The following PPP1R10 variants were observed in gnomAD, a reference collection of about 807,000 sequenced individuals.
The protein encoded by PPP1R10 is serine/threonine-protein phosphatase 1 regulatory subunit 10.
A neutral mutation model predicts 99.0 loss-of-function variants in PPP1R10; 15 were observed. The observed-to-expected ratio is 0.15, with a 90% CI of 0.10 to 0.23. The LOEUF (loss-of-function observed/expected upper bound fraction) is 0.23. Ranked by LOEUF, PPP1R10 falls within the 10% of genes least tolerant of loss-of-function variation. PPP1R10 has a pLI of 1.00. For synonymous variants in PPP1R10, 430 were observed against 449.5 expected, an observed-to-expected ratio of 0.96 and a Z score of 0.55; for missense variants, 947 against 1,259.4, an observed-to-expected ratio of 0.75 and a Z score of 3.75.
Position 30,602,978 on chromosome 6 carries a change from G to A in PPP1R10, c.1844-19C>T. On this transcript the variant is annotated intron_variant, in intron 17 of 19. Transcript: ENST00000376511. The surrounding 1 kb of genome is among the most constrained non-coding windows in gnomAD (Gnocchi z 6.7). The stretch of plus-strand genomic sequence containing the variant: ...TGTGGCACTGTTAATGAAAACAAGA[G>A]TAACACAGCATGAGCACTCTAGAAG... The A allele has an allele frequency of 6.6e-7, 1 of 1,526,038 alleles. No individual in the cohort carries two copies. Among genetic ancestry groups the A allele is most frequent in the Non-Finnish European group, 8.8e-7 (1 of 1,131,980 alleles). The allele number at this position is 1,526,038 out of a possible 1,614,324, so 94.5% of individuals were successfully genotyped here.
chr6:30,617,057 C>G (rs1760674338), intron 1 of PPP1R10, 59 bp from the exon 2 acceptor site: 1 of 152,454 alleles, frequency 6.6e-6, no homozygotes, highest in African/African-American at 2.4e-5. Context: ...CTTCAAAACA[C>G]TCACAAATGC....
intron 2 of PPP1R10, among the ~76,000 whole-genome samples, chr6:30,614,901 T>A (rs1353290561): frequency 6.6e-6 from 1 of 152,242 alleles, no homozygotes; most frequent in Non-Finnish European, 1.5e-5. Flanking sequence ...TATAAGCTCC[T>A]ATCCCTTTAA....
At position 30,607,947 on chromosome 6, in the gene PPP1R10, T is replaced by TAGAGCTAA. The variant is rs1176637687; in HGVS notation, c.331-64_331-57dup. 7.7e-6 allele frequency: 12 copies of TAGAGCTAA among 1,566,940 alleles called. No individual in the cohort carries two copies. The African/African-American group carries it at 8.2e-5, about 11-fold the overall frequency. ...ATGCCAGGAGGCAAATAATTCCACT[T>TAGAGCTAA]AGAGCTAAAAACGACAAAAGTTACA... On this transcript the variant is annotated intron_variant, in intron 5 of 19. Transcript: ENST00000376511.
rs560942574 is a variant in PPP1R10 at position 30,601,257 on chromosome 6, G to A, written c.*292C>T. On this transcript the variant is annotated 3_prime_UTR_variant, in exon 20 of 20. Coordinates refer to ENST00000376511, the MANE Select transcript of PPP1R10 (RefSeq NM_002714.4). ...AAGCATTAAGGGTAATACTGGAAAG[G>A]GGTTTGGGGTACAGGGCGAATCTTC... The A allele has an allele frequency of 3.8e-5, 17 of 447,942 alleles. No homozygotes were observed. The highest frequency in any genetic ancestry group is 1.5e-4 in the Admixed American group (4 of 26,128). The allele number at this position is 447,942 out of a possible 1,614,324, so 27.7% of individuals were successfully genotyped here.
chr6:30,608,015 G>A (rs1399785536), intron 5 of PPP1R10, 124 bp from the exon 6 acceptor site: 1 of 974,870 alleles, frequency 1.0e-6, no homozygotes, highest in Non-Finnish European at 1.5e-6. Context: ...TTGAGACGGA[G>A]TCTCACTCTG....
chr6:30,606,663 GA>G lies in PPP1R10; in HGVS notation c.461-23del, dbSNP rs1292692877. The G allele has an allele frequency of 1.2e-6, 2 of 1,613,858 alleles. No individual in the cohort carries two copies. The highest frequency in any genetic ancestry group is 1.7e-6 in the Non-Finnish European group (2 of 1,179,926). On this transcript the variant is annotated intron_variant, in intron 7 of 19. Transcript: ENST00000376511. This position sits in a 1 kb window ranked among gnomAD's most constrained non-coding sequence, Gnocchi z 6.3. Reference sequence around the variant, plus strand: ...TTCTCTGTTGTGAAAAAACAAAGCAGAAAAGGATTTTATTTAGATGAACACT... The same window carrying G: ...TTCTCTGTTGTGAAAAAACAAAGCAGAAAGGATTTTATTTAGATGAACACT...
At position 30,609,093 on chromosome 6, in the gene PPP1R10, G is replaced by A. The variant is rs1804276728; in HGVS notation, c.178C>T (p.Pro60Ser). The A allele has an allele frequency of 6.2e-7, 1 of 1,613,930 alleles. No individual in the cohort carries two copies. Among genetic ancestry groups the A allele is most frequent in the Non-Finnish European group, 8.5e-7 (1 of 1,180,026 alleles). The change falls in exon 4 of 20, where the codon CCA (proline) becomes TCA (serine). Residue 60 changes from proline to serine, a missense_variant. Transcript: ENST00000376511. The surrounding 1 kb of genome is among the most constrained non-coding windows in gnomAD (Gnocchi z 4.5). The part of the protein sequence containing the change: ...YLNILLQTRS[P>S]EILVKFIDVG... ...CCCACTTACTTGACCAATATTTCTGGTGAACGGGTCTGCAGGAGAATGTTC... is the reference window on the plus strand; with the variant it reads ...CCCACTTACTTGACCAATATTTCTGATGAACGGGTCTGCAGGAGAATGTTC...
chr6:30,614,787 G>A lies in PPP1R10; in HGVS notation c.-12+1691C>T, dbSNP rs1017487240. ...TTTCACCCCTGGCAGCTGAAGTGGG[G>A]AAAAATTACAAGCAGTTGTGATGAG... On this transcript the variant is annotated intron_variant, in intron 2 of 19. Coordinates refer to ENST00000376511, the MANE Select transcript of PPP1R10 (RefSeq NM_002714.4). 5.3e-5 allele frequency among the ~76,000 whole-genome samples: 8 copies of A among 152,164 alleles called. No homozygotes were observed. The East Asian group carries it at 1.2e-3, about 22-fold the overall frequency.
intron 17 of PPP1R10, 53 bp from the exon 18 acceptor site, chr6:30,603,012 G>C: frequency 6.8e-7 from 1 of 1,462,702 alleles, no homozygotes; most frequent in South Asian, 1.3e-5. Context: ...AGACTAGCAT[G>C]ATCTCCCATT....
chr6:30,613,474 A>C (rs1405411775), intron 2 of PPP1R10, among the ~76,000 whole-genome samples: 1 of 152,192 alleles, frequency 6.6e-6, no homozygotes, highest in Non-Finnish European at 1.5e-5. Context: ...ACAATAGTGG[A>C]CTGAATTATG....
At chr6:30,607,982 G>GC (rs2127444153) in intron 5 of PPP1R10, 91 bp from the exon 6 acceptor site, 1 of 1,150,346 alleles carries the variant, frequency 8.7e-7, no homozygotes, top group Admixed American at 2.4e-5. Flanking sequence ...AGTCCTCCCT[G>GC]CTTTTTTTTT....
Position 30,616,869 on chromosome 6 carries a change from G to C in PPP1R10, c.-403C>G, listed in dbSNP as rs1003519353. On this transcript the variant is annotated 5_prime_UTR_variant, in exon 2 of 20. Coordinates refer to ENST00000376511, the MANE Select transcript of PPP1R10 (RefSeq NM_002714.4). Reference sequence around the variant, plus strand: ...AGGTGGGAAGGGGCAGAAGACACAAGTGGTTGGGCTGGTGGCTGCTGTTTT... The same window carrying C: ...AGGTGGGAAGGGGCAGAAGACACAACTGGTTGGGCTGGTGGCTGCTGTTTT... 1 of 152,334 alleles carries C rather than the reference G, an allele frequency of 6.6e-6. No homozygotes were observed. The highest frequency in any genetic ancestry group is 2.4e-5 in the African/African-American group (1 of 41,442). The allele number at this position is 152,334 out of a possible 1,614,324, so 9.4% of individuals were successfully genotyped here. A position where few individuals can be genotyped will look rare whatever the true frequency, so the allele number is the denominator to read the frequency against.
chr6:30,615,825 T>C (rs1760444961), intron 2 of PPP1R10, among the ~76,000 whole-genome samples: 1 of 152,212 alleles, frequency 6.6e-6, no homozygotes, highest in East Asian at 1.9e-4. Context: ...ACTAAGATTA[T>C]ATTTTGTCCT....
chr6:30,606,129 G>A lies in PPP1R10; in HGVS notation c.740+9C>T, dbSNP rs1276109915. ...CACCCCATTCAGAGCCTGAGAATAT[G>A]GTCCATACCTCTGACGTTTGAGGGG... On this transcript the variant is annotated intron_variant, in intron 9 of 19. Transcript: ENST00000376511. This position sits in a 1 kb window ranked among gnomAD's most constrained non-coding sequence, Gnocchi z 6.3. The A allele has an allele frequency of 1.2e-6, 2 of 1,613,610 alleles. No homozygotes were observed. Among genetic ancestry groups the A allele is most frequent in the East Asian group, 2.2e-5 (1 of 44,870 alleles).
chr6:30,603,688 T>C, intron 15 of PPP1R10, 22 bp from the exon 16 acceptor site: 3 of 1,567,216 alleles, frequency 1.9e-6, no homozygotes, highest in Non-Finnish European at 2.6e-6. Flanking sequence ...ACAAAAAAAA[T>C]CAGGATTGAC....
chr6:30,611,873 C>T (rs1482159654), intron 2 of PPP1R10, among the ~76,000 whole-genome samples: 3 of 152,192 alleles, frequency 2.0e-5, no homozygotes, highest in East Asian at 1.9e-4. Flanking sequence ...ATTAGATGTC[C>T]GTGGGCCAAA....
Position 30,601,503 on chromosome 6 carries a change from G to T in PPP1R10, c.*46C>A. 1 of 1,508,148 alleles carries T rather than the reference G, an allele frequency of 6.6e-7. No homozygotes were observed. The highest frequency in any genetic ancestry group is 9.2e-7 in the Non-Finnish European group (1 of 1,085,994). The allele number at this position is 1,508,148 out of a possible 1,614,324, so 93.4% of individuals were successfully genotyped here. A position where few individuals can be genotyped will look rare whatever the true frequency, so the allele number is the denominator to read the frequency against. ...AGCCATAACAGGGTGGAAAGAGCGA[G>T]GCTGCAGTCCACAGGGGTTGTGTGA... On this transcript the variant is annotated 3_prime_UTR_variant, in exon 20 of 20. Coordinates refer to ENST00000376511, the MANE Select transcript of PPP1R10 (RefSeq NM_002714.4).
In PPP1R10 at chr6:30,609,023, C is replaced by T. The variant is rs898605086; in HGVS notation, c.194+54G>A. 1.4e-5 allele frequency: 22 copies of T among 1,611,478 alleles called. No homozygotes were observed. In the South Asian group the frequency reaches 1.6e-4, roughly 12 times the overall value. ...ATGACCGAGGAACCCCATGCCTCACCGCCCCATCTTTTCGCTACACCTTCC... is the reference window on the plus strand; with the variant it reads ...ATGACCGAGGAACCCCATGCCTCACTGCCCCATCTTTTCGCTACACCTTCC... On this transcript the variant is annotated intron_variant, in intron 4 of 19. Coordinates refer to ENST00000376511, the MANE Select transcript of PPP1R10 (RefSeq NM_002714.4). This position sits in a 1 kb window ranked among gnomAD's most constrained non-coding sequence, Gnocchi z 4.5.
intron 10 of PPP1R10, 57 bp downstream of exon 10, chr6:30,605,860 CAAAAAA>C (rs9278740): frequency 1.3e-5 from 15 of 1,199,748 alleles, no homozygotes; most frequent in African/African-American, 4.9e-5. Flanking sequence ...ACTCTGTCTC[CAAAAAA>C]AAAAAAAAAA....
Sources: allele counts gnomAD v4.1 joint callset (sites outside exome capture counted in the v4.1 genomes callset), GRCh38; gene constraint gnomAD v4.1.1; non-coding constraint Gnocchi (gnomAD v3.1); transcripts MANE v1.5; gene names NCBI Gene and HGNC (gene_info 2026-07-23, HGNC 2026-07-21).